PRDM2: variants seen among roughly 807,000 people sequenced by gnomAD.
The protein encoded by PRDM2 is PR/SET domain 2.
A neutral mutation model predicts 130.0 loss-of-function variants in PRDM2; 30 were observed. The ratio of observed to expected loss-of-function variants is 0.23; its 90% CI spans 0.17 to 0.31. The LOEUF is 0.31. Ranked by LOEUF, PRDM2 falls within the 10% of genes least tolerant of loss-of-function variation. The pLI, the probability that PRDM2 is intolerant of heterozygous loss-of-function variation, is 1.00. For missense variants in PRDM2, 2,011 were observed against 2,108.4 expected, an observed-to-expected ratio of 0.95 and a Z score of 0.90; for synonymous variants, 871 against 782.4, an observed-to-expected ratio of 1.11 and a Z score of -1.89.
chr1:13,708,362 C>A (rs1192646478), intron 1 of PRDM2, among the ~76,000 whole-genome samples: 1 of 152,110 alleles, frequency 6.6e-6, no homozygotes, highest in African/African-American at 2.4e-5. Context: ...GGGCTGTTGA[C>A]CTCAGAGCTC....
In PRDM2 at chr1:13,781,634, T is replaced by C. The variant is rs2100672535; in HGVS notation, c.3839T>C (p.Ile1280Thr). 6.2e-7 allele frequency: 1 copy of C among 1,613,826 alleles called. No individual in the cohort carries two copies. Among genetic ancestry groups the C allele is most frequent in the East Asian group, 2.2e-5 (1 of 44,884 alleles). ...YTTIKIMASG[I>T]KTKDPDVRLG... The stretch of plus-strand genomic sequence containing the variant: ...ACTATAAAAATAATGGCTTCTGGAA[T>C]AAAGACAAAAGATCCAGATGTTCGA... The change falls in exon 8 of 10, where the codon ATA (isoleucine) becomes ACA (threonine). Residue 1280 changes from isoleucine to threonine, a missense_variant. Coordinates refer to ENST00000311066, the MANE Select transcript of PRDM2 (RefSeq NM_001393986.1). The surrounding 1 kb of genome is among the most constrained non-coding windows in gnomAD (Gnocchi z 6.1).
At chr1:13,758,603 A>G (rs959342908) in intron 6 of PRDM2, among the ~76,000 whole-genome samples, 2 of 152,174 alleles carry the variant, frequency 1.3e-5, no homozygotes, top group Non-Finnish European at 2.9e-5. Flanking sequence ...GAAAAATAGG[A>G]GAAGGTAACT....
intron 6 of PRDM2, among the ~76,000 whole-genome samples, chr1:13,760,628 C>T (rs1164204775): frequency 6.6e-6 from 1 of 152,172 alleles, no homozygotes; most frequent in Non-Finnish European, 1.5e-5. Flanking sequence ...CAGTTAATTG[C>T]ATTGTGACTT....
chr1:13,730,072 T>C (rs1370650317), intron 2 of PRDM2, among the ~76,000 whole-genome samples: 2 of 152,200 alleles, frequency 1.3e-5, no homozygotes, highest in Non-Finnish European at 2.9e-5. Flanking sequence ...TTAAAAGTCC[T>C]GGAGAAGTGT....
chr1:13,734,058 A>C (rs1643192818), intron 4 of PRDM2, among the ~76,000 whole-genome samples: 1 of 152,128 alleles, frequency 6.6e-6, no homozygotes, highest in Admixed American at 6.5e-5. Context: ...TCTCCCAATA[A>C]TTTTGAGTTA....
chr1:13,764,048 ATGT>A (rs1644166044), intron 6 of PRDM2, among the ~76,000 whole-genome samples: 1 of 152,290 alleles, frequency 6.6e-6, no homozygotes, highest in African/African-American at 2.4e-5. Flanking sequence ...TTTTAAAACG[ATGT>A]TGTAGTTAAT....
intron 4 of PRDM2, among the ~76,000 whole-genome samples, chr1:13,737,567 T>C (rs182489649): frequency 6.6e-6 from 1 of 152,182 alleles, no homozygotes; most frequent in South Asian, 2.1e-4. Context: ...GCTGAGAAGC[T>C]GAGTGGTTAA....
In PRDM2 at chr1:13,771,057, A is replaced by C. The variant is rs1644350041; in HGVS notation, c.512-2021A>C. 6.6e-6 allele frequency among the ~76,000 whole-genome samples: 1 copy of C among 152,222 alleles called. No individual in the cohort carries two copies. The highest frequency in any genetic ancestry group is 2.4e-5 in the African/African-American group (1 of 41,468). Reference sequence around the variant, plus strand: ...AGAAAACTGATGGAAAGGAGGTAGAATCCAAATTCCCTTAAACAAAACTGG... The same window carrying C: ...AGAAAACTGATGGAAAGGAGGTAGACTCCAAATTCCCTTAAACAAAACTGG... On this transcript the variant is annotated intron_variant, in intron 6 of 9. Transcript: ENST00000311066. This position sits in a 1 kb window ranked among gnomAD's most constrained non-coding sequence, Gnocchi z 4.1.
chr1:13,789,659 A>G (rs1331143975), intron 8 of PRDM2, among the ~76,000 whole-genome samples: 2 of 152,200 alleles, frequency 1.3e-5, no homozygotes, highest in Non-Finnish European at 1.5e-5. Flanking sequence ...TTGATATTTT[A>G]TTCATGTGGG....
At chr1:13,761,479 T>G (rs1190882245) in intron 6 of PRDM2, among the ~76,000 whole-genome samples, 1 of 152,226 alleles carries the variant, frequency 6.6e-6, no homozygotes, top group Non-Finnish European at 1.5e-5. Flanking sequence ...GCATCTTGAC[T>G]GGGCTTTCTG....
At chr1:13,750,820 G>T (rs1238679251) in intron 6 of PRDM2, among the ~76,000 whole-genome samples, 1 of 150,130 alleles carries the variant, frequency 6.7e-6, no homozygotes, top group East Asian at 1.9e-4. Context: ...GGATTTTATT[G>T]CTATTAGGCT....
Position 13,823,443 on chromosome 1 carries a change from C to T in PRDM2, c.*308C>T, listed in dbSNP as rs368501678. The stretch of plus-strand genomic sequence containing the variant: ...GGACCGTGTTCTGCAGCCCAGCCTT[C>T]CTGTTGGGGTGGGGCCTCTCCTACT... On this transcript the variant is annotated 3_prime_UTR_variant, in exon 10 of 10. Transcript: ENST00000311066. The T allele has an allele frequency of 9.5e-6, 5 of 525,108 alleles. No individual in the cohort carries two copies. In the African/African-American group the frequency reaches 9.6e-5, roughly 10 times the overall value. The allele number at this position is 525,108 out of a possible 1,614,324, so 32.5% of individuals were successfully genotyped here.
chr1:13,782,848 G>T lies in PRDM2; in HGVS notation c.5036+17G>T. On this transcript the variant is annotated intron_variant, in intron 8 of 9. Transcript: ENST00000311066. ...GGACTTCAGGTAAGCTCAGGAGCTGGTGGGAGGGAAAGACCGGGAAGGCGA... is the reference window on the plus strand; with the variant it reads ...GGACTTCAGGTAAGCTCAGGAGCTGTTGGGAGGGAAAGACCGGGAAGGCGA... The T allele has an allele frequency of 6.2e-7, 1 of 1,609,082 alleles. No individual in the cohort carries two copies. The highest frequency in any genetic ancestry group is 8.5e-7 in the Non-Finnish European group (1 of 1,179,752).
Position 13,779,976 on chromosome 1 carries a change from T to C in PRDM2, c.2181T>C (p.Pro727=). Residue 727 remains proline, a synonymous_variant, in exon 8 of 10, where the codon CCT becomes CCC. Coordinates refer to ENST00000311066, the MANE Select transcript of PRDM2 (RefSeq NM_001393986.1). This position sits in a 1 kb window ranked among gnomAD's most constrained non-coding sequence, Gnocchi z 4.9. ...TGTCTGCTCCTGCATCAATGTTGCC[T>C]GTGACCTCAAGTAGGTTTAAGAGGC... ...VCVSAPASML[P]VTSSRFKRRT... 1 of 1,614,246 alleles carries C rather than the reference T, an allele frequency of 6.2e-7. No individual in the cohort carries two copies.
At chr1:13,796,428 C>A (rs981600293) in intron 8 of PRDM2, among the ~76,000 whole-genome samples, 1 of 152,204 alleles carries the variant, frequency 6.6e-6, no homozygotes, top group Admixed American at 6.5e-5. Flanking sequence ...AATTCCAGAA[C>A]ATGGATTTGT....
chr1:13,718,710 G>T (rs1021951777), intron 2 of PRDM2, among the ~76,000 whole-genome samples: 1 of 152,066 alleles, frequency 6.6e-6, no homozygotes, highest in African/African-American at 2.4e-5. Context: ...GCCCATGCCT[G>T]GGTGGCAGCG....
chr1:13,815,783 T>C (rs1444773123), intron 8 of PRDM2, among the ~76,000 whole-genome samples: 2 of 152,162 alleles, frequency 1.3e-5, no homozygotes, highest in Admixed American at 6.5e-5. Context: ...GTACAAATAG[T>C]ACAAAACCAT....
intron 8 of PRDM2, among the ~76,000 whole-genome samples, chr1:13,795,916 C>T (rs1376414868): frequency 1.3e-5 from 2 of 152,128 alleles, no homozygotes; most frequent in African/African-American, 2.4e-5. Context: ...GCCCAGGGTG[C>T]TGCATAGAAC....
At chr1:13,802,596 A>T (rs1645025344) in intron 8 of PRDM2, among the ~76,000 whole-genome samples, 1 of 152,172 alleles carries the variant, frequency 6.6e-6, no homozygotes, top group African/African-American at 2.4e-5. Flanking sequence ...GGTTTATGTA[A>T]TCCCTTTGAC....
Sources: gnomAD v4.1 joint callset for allele counts (sites outside exome capture counted in the v4.1 genomes callset) on GRCh38, gnomAD v4.1.1 for gene constraint, Gnocchi (gnomAD v3.1) non-coding constraint, MANE v1.5 for transcripts, NCBI Gene and HGNC (gene_info 2026-07-23, HGNC 2026-07-21) for gene names.